NEB: variants seen among roughly 807,000 people sequenced by gnomAD.
The protein encoded by NEB is nemaline myopathy type 2.
A neutral mutation model predicts 952.2 loss-of-function variants in NEB; 512 were observed. That is an observed-to-expected ratio of 0.54 (90% confidence interval 0.50 to 0.58). The LOEUF (loss-of-function observed/expected upper bound fraction) is 0.58, where lower values mean the gene tolerates loss of function less well. Ranked by LOEUF, NEB falls within the 20% of genes least tolerant of loss-of-function variation. The probability of loss-of-function intolerance (pLI) is 0.00; values close to 1 mark genes in which losing one functional copy is unlikely to be tolerated. For missense variants in NEB, 8,428 were observed against 9,231.1 expected (o/e 0.91, Z 3.56); for synonymous variants, 2,900 against 3,149.8 (o/e 0.92, Z 2.66).
At chr2:151,519,985 C>A in intron 153 of NEB, 65 of 331,914 alleles carry the variant, frequency 2.0e-4, no homozygotes, top group East Asian at 2.8e-4. Flanking sequence ...TGGCCTTGCT[C>A]ATTTTTATAT....
intron 138 of NEB, among the ~76,000 whole-genome samples, chr2:151,538,714 G>C (rs2093621519): frequency 6.6e-6 from 1 of 151,682 alleles, no homozygotes; most frequent in African/African-American, 2.4e-5. Flanking sequence ...AAGGGAAAAA[G>C]GTTTAGCTTC....
In NEB at chr2:151,502,794, G is replaced by A. The variant is rs202137113; in HGVS notation, c.23927C>T (p.Ser7976Leu). 135 of 1,573,832 alleles carry A rather than the reference G, an allele frequency of 8.6e-5. No homozygotes were observed. The East Asian group carries it at 1.3e-3, about 15-fold the overall frequency. The change falls in exon 167 of 182, where the codon TCG becomes TTG. Residue 7976 changes from serine (S) to leucine (L), a missense_variant and splice_region_variant. Ser to Leu is a moderately radical substitution (Grantham distance 145). Coordinates refer to ENST00000397345, the MANE Select transcript of NEB (RefSeq NM_001164508.2). ...TTTTTTTGGCCCCCTAAGAAATACC[G>A]AGCTAAAGTTCTCTTGATTGCGTTT... is the stretch of plus-strand genomic sequence containing the variant. ...RVKRNQENFS[S>L]ILYKENLSKG...
chr2:151,661,745 T>C (rs989607972), intron 46 of NEB, among the ~76,000 whole-genome samples: 1 of 152,188 alleles, frequency 6.6e-6, no homozygotes, highest in African/African-American at 2.4e-5. Context: ...GACTTTTCTT[T>C]GATCCCATCA....
At chr2:151,578,347 C>T (rs1339112509) in intron 105 of NEB, among the ~76,000 whole-genome samples, 1 of 149,108 alleles carries the variant, frequency 6.7e-6, no homozygotes, top group East Asian at 1.9e-4. Flanking sequence ...GGAAGATGGT[C>T]CTGCCCTTCT....
intron 135 of NEB, among the ~76,000 whole-genome samples, chr2:151,545,671 G>A (rs774610213): frequency 3.3e-5 from 5 of 152,098 alleles, no homozygotes; most frequent in Non-Finnish European, 7.3e-5. Flanking sequence ...ATGAATATGC[G>A]TATCTTACCA....
chr2:151,632,487 C>A (rs1377601729), intron 65 of NEB, among the ~76,000 whole-genome samples: 1 of 151,838 alleles, frequency 6.6e-6, no homozygotes, highest in African/African-American at 2.4e-5. Context: ...ACCAGCCTGG[C>A]CAATATGGCG....
rs1480476721 is a variant in NEB at position 151,640,372 on chromosome 2, A to C, written c.8668T>G (p.Tyr2890Asp). Reference sequence around the variant, plus strand: ...GTACTCACATCGCTCTGGAGGTCATAGGCCTGCCGAGCATGGATGACGTCG... The same window carrying C: ...GTACTCACATCGCTCTGGAGGTCATCGGCCTGCCGAGCATGGATGACGTCG... ...QSDVIHARQAYDLQSDNMYKS... is the reference protein window; with the variant it reads ...QSDVIHARQADDLQSDNMYKS... The change falls in exon 61 of 182, where the codon TAT becomes GAT. Residue 2890 changes from tyrosine to aspartate, a missense_variant. By Grantham distance (160) the Tyr-to-Asp change is radical. Around this residue, in one of 11 missense-constraint regions of NEB, gnomAD observed 1,772 missense variants for 1,960.3 expected, o/e 0.90. Coordinates refer to ENST00000397345, the MANE Select transcript of NEB (RefSeq NM_001164508.2). 7 of 1,613,748 alleles carry C rather than the reference A, an allele frequency of 4.3e-6. No individual in the cohort carries two copies. The highest frequency in any genetic ancestry group is 5.9e-6 in the Non-Finnish European group (7 of 1,179,808).
chr2:151,669,163 A>C, intron 38 of NEB, 32 bp from the exon 39 acceptor site: 4 of 1,353,184 alleles, frequency 3.0e-6, no homozygotes, highest in South Asian at 1.3e-5. Flanking sequence ...TGCACATATC[A>C]TTAGCTGACA....
At chr2:151,674,790 CAT>C (rs1361021862) in intron 35 of NEB, among the ~76,000 whole-genome samples, 3 of 152,044 alleles carry the variant, frequency 2.0e-5, no homozygotes, top group Admixed American at 6.5e-5. Flanking sequence ...GGTTTTGACA[CAT>C]ATTGAAGAGA....
intron 181 of NEB, among the ~76,000 whole-genome samples, chr2:151,487,134 C>G (rs568389927): frequency 8.5e-5 from 13 of 152,070 alleles, no homozygotes; most frequent in Non-Finnish European, 1.9e-4. Context: ...TTCTACCTTT[C>G]GAAGAGGTCA....
In NEB at chr2:151,650,343, T is replaced by G. The variant is rs1471937582; in HGVS notation, c.7264A>C (p.Ile2422Leu). The change falls in exon 54 of 182, where the codon ATA becomes CTA. Residue 2422 changes from isoleucine (I) to leucine (L), a missense_variant. Coordinates refer to ENST00000397345, the MANE Select transcript of NEB (RefSeq NM_001164508.2). Reference protein sequence around the residue: ...YKSDLEWLRGIGWSPLGSLEA... With the variant: ...YKSDLEWLRGLGWSPLGSLEA... ...AAAGAACCCAAGGGACTCCATCCTA[T>G]GCCTCTCAGCCACTCAAGGTCAGAT... The G allele has an allele frequency of 1.2e-6, 2 of 1,613,952 alleles. No homozygotes were observed. Among genetic ancestry groups the G allele is most frequent in the South Asian group, 2.2e-5 (2 of 91,088 alleles).
At position 151,514,431 on chromosome 2, in the gene NEB, A is replaced by G. The variant is rs111314898; in HGVS notation, c.23017-3T>C. ...TCTAGATCTTTCCTGTACTCTTTCT[A>G]TATCATGAAAGAAAAGCAACAACAT... On this transcript the variant is annotated splice_polypyrimidine_tract_variant and splice_region_variant and intron_variant, in intron 158 of 181. Transcript: ENST00000397345. 8.7e-5 allele frequency: 138 copies of G among 1,587,588 alleles called. No homozygotes were observed. Among genetic ancestry groups the G allele is most frequent in the Non-Finnish European group, 1.1e-4 (128 of 1,156,116 alleles).
At chr2:151,509,546 T>C (rs1179749436) in intron 161 of NEB, among the ~76,000 whole-genome samples, 1 of 152,138 alleles carries the variant, frequency 6.6e-6, no homozygotes, top group South Asian at 2.1e-4. Flanking sequence ...CCAGACCAAA[T>C]TGAGGGTTGG....
At chr2:151,625,927 A>C (rs1232864535) in intron 70 of NEB, among the ~76,000 whole-genome samples, 2 of 152,148 alleles carry the variant, frequency 1.3e-5, no homozygotes, top group Non-Finnish European at 2.9e-5. Context: ...CACCCCAATT[A>C]AATAAAAAGC....
intron 161 of NEB, among the ~76,000 whole-genome samples, chr2:151,510,902 A>G (rs1196030740): frequency 6.6e-6 from 1 of 152,258 alleles, no homozygotes; most frequent in Non-Finnish European, 1.5e-5. Context: ...AGTTATAAAT[A>G]CAGATTCTCC....
rs1394304728 is a variant in NEB, at chr2:151,658,028, T to C, written c.6138A>G (p.Ala2046=). Reference sequence around the variant, plus strand: ...AAGCCTTGGCAGCTTTGATAGGAATTGCATCAGGTCTGAGATCATAGCCTT... The same window carrying C: ...AAGCCTTGGCAGCTTTGATAGGAATCGCATCAGGTCTGAGATCATAGCCTT... ...KKKGYDLRPD[A]IPIKAAKASR... Residue 2046 remains alanine (A), a synonymous_variant, in exon 48 of 182, where the codon GCA becomes GCG. Transcript: ENST00000397345. 6 of 1,611,680 alleles carry C rather than the reference T, an allele frequency of 3.7e-6. No individual in the cohort carries two copies. The highest frequency in any genetic ancestry group is 5.1e-6 in the Non-Finnish European group (6 of 1,178,670).
chr2:151,659,079 T>C lies in NEB; in HGVS notation c.6061A>G (p.Ile2021Val), dbSNP rs777149558. Reference sequence around the variant, plus strand: ...ACTATACTTACATCACTCATATTAATTGCATTTGCCTTTGCCAAAATAATC... The same window carrying C: ...ACTATACTTACATCACTCATATTAACTGCATTTGCCTTTGCCAAAATAATC... Reference protein sequence around the residue: ...PQIILAKANAINMSDKLYKLS... With the variant: ...PQIILAKANAVNMSDKLYKLS... The change falls in exon 47 of 182, where the codon ATT becomes GTT. Residue 2021 changes from isoleucine (I) to valine (V), a missense_variant. By Grantham distance (29) the Ile-to-Val change is conservative (BLOSUM62 3). Coordinates refer to ENST00000397345, the MANE Select transcript of NEB (RefSeq NM_001164508.2). 6.2e-7 allele frequency: 1 copy of C among 1,605,530 alleles called. No homozygotes were observed. The highest frequency in any genetic ancestry group is 1.7e-5 in the Admixed American group (1 of 59,980).
chr2:151,504,406 A>G (rs767122803), intron 165 of NEB, among the ~76,000 whole-genome samples: 2 of 152,214 alleles, frequency 1.3e-5, no homozygotes, highest in African/African-American at 4.8e-5. Context: ...AAAACCAAGA[A>G]GTTGTAATGC....
intron 129 of NEB, among the ~76,000 whole-genome samples, chr2:151,550,260 T>A (rs2095215069): frequency 1.2e-5 from 1 of 82,348 alleles, no homozygotes; most frequent in African/African-American, 4.9e-5. Flanking sequence ...GAGGAGACCC[T>A]GTCTCCAAAA....
Sources: gnomAD v4.1 joint callset for allele counts (sites outside exome capture counted in the v4.1 genomes callset) on GRCh38, gnomAD v4.1.1 for gene constraint, gnomAD v4.1.1 regional missense constraint, MANE v1.5 for transcripts, NCBI Gene and HGNC (gene_info 2026-07-23, HGNC 2026-07-21) for gene names.